KCNIP4: variants seen among roughly 807,000 people sequenced by gnomAD.
KCNIP4 encodes potassium voltage-gated channel interacting protein 4.
Under a neutral mutation model 34.0 loss-of-function variants are expected in KCNIP4, and 12 were observed. The observed-to-expected ratio is 0.35, with a 90% confidence interval of 0.23 to 0.57. The LOEUF (loss-of-function observed/expected upper bound fraction) is 0.57, where lower values mean the gene tolerates loss of function less well. Among genes scored for constraint, KCNIP4 ranks in the 20% least tolerant of loss-of-function variants. The pLI is 0.83. For synonymous variants in KCNIP4, 124 were observed against 102.2 expected (o/e 1.21, Z -1.29); for missense variants, 238 against 311.7 (o/e 0.76, Z 1.78).
At chr4:21,474,098 G>A (rs1026985470) in intron 1 of KCNIP4, among the ~76,000 whole-genome samples, 23 of 152,120 alleles carry the variant, frequency 1.5e-4, no homozygotes, top group African/African-American at 5.3e-4. Flanking sequence ...TGGAAAATTG[G>A]CATCTGTGTA....
intron 1 of KCNIP4, among the ~76,000 whole-genome samples, chr4:21,011,976 C>A (rs185076253): frequency 6.6e-6 from 1 of 152,288 alleles, no homozygotes; most frequent in East Asian, 1.9e-4. Context: ...CTGGTCTTAA[C>A]GTAGTTTCGA....
chr4:21,773,745 G>GTTTTGTTTTTTT (rs1718971393), intron 1 of KCNIP4, among the ~76,000 whole-genome samples: 4 of 115,414 alleles, frequency 3.5e-5, no homozygotes, highest in African/African-American at 2.2e-4. Context: ...TTTTTTTGTT[G>GTTTTGTTTTTTT]TTTTTTTTTT....
At chr4:21,038,373 T>C (rs954244845) in intron 1 of KCNIP4, among the ~76,000 whole-genome samples, 4 of 152,202 alleles carry the variant, frequency 2.6e-5, no homozygotes, top group African/African-American at 7.2e-5. Context: ...TTTATTATTA[T>C]TACCTTTGGT....
chr4:21,740,331 C>A lies in KCNIP4; in HGVS notation c.61+208240G>T, dbSNP rs542049694. 9.2e-5 allele frequency among the ~76,000 whole-genome samples: 14 copies of A among 152,076 alleles called. No homozygotes were observed. In the South Asian group the frequency reaches 2.9e-3, roughly 32 times the overall value. ...CCTGAAACTAAAGTATTTTCAAAGA[C>A]CTACCCTTTCTCCCTTCATTCATTC... On this transcript the variant is annotated intron_variant, in intron 1 of 8. Transcript: ENST00000382152.
intron 8 of KCNIP4, 120 bp from the exon 9 acceptor site, chr4:20,730,249 A>C: frequency 2.4e-6 from 3 of 1,264,266 alleles, no homozygotes; most frequent in Non-Finnish European, 3.2e-6. Flanking sequence ...CCAAAAGCTC[A>C]AATATTAAGT....
chr4:21,142,717 T>C (rs768569142), intron 1 of KCNIP4, among the ~76,000 whole-genome samples: 1 of 152,098 alleles, frequency 6.6e-6, no homozygotes, highest in Non-Finnish European at 1.5e-5. Context: ...CTGACGCAAA[T>C]TGGGTGTTGG....
chr4:20,770,231 A>T (rs994012171), intron 3 of KCNIP4, among the ~76,000 whole-genome samples: 5 of 152,124 alleles, frequency 3.3e-5, no homozygotes, highest in Non-Finnish European at 7.3e-5. Flanking sequence ...GGCACCTGCC[A>T]TAGTTTAATG....
intron 1 of KCNIP4, among the ~76,000 whole-genome samples, chr4:20,978,850 T>C (rs60184835): frequency 0.2 from 30,614 of 152,108 alleles, 3,505 homozygotes; most frequent in Middle Eastern, 0.35. Context: ...CTATCTTTAA[T>C]TGATCTCTAT....
chr4:21,641,253 A>C (rs1248677441), intron 1 of KCNIP4, among the ~76,000 whole-genome samples: 1 of 152,198 alleles, frequency 6.6e-6, no homozygotes, highest in East Asian at 1.9e-4. Flanking sequence ...TACAACCTGC[A>C]CCTATGGCCT....
At chr4:21,566,817 T>C (rs2109043210) in intron 1 of KCNIP4, among the ~76,000 whole-genome samples, 1 of 152,050 alleles carries the variant, frequency 6.6e-6, no homozygotes, top group East Asian at 1.9e-4. Flanking sequence ...GAACCAGACA[T>C]CAGTTGCTGG....
intron 1 of KCNIP4, among the ~76,000 whole-genome samples, chr4:20,949,947 A>G (rs1732601985): frequency 6.6e-6 from 1 of 151,124 alleles, no homozygotes; most frequent in African/African-American, 2.4e-5. Flanking sequence ...AGCATGGCAC[A>G]TGTATACATA....
intron 3 of KCNIP4, among the ~76,000 whole-genome samples, chr4:20,823,580 C>A (rs1717370872): frequency 6.6e-6 from 1 of 152,138 alleles, no homozygotes. Flanking sequence ...TGCTTTCTCT[C>A]TCTGCTCTTC....
At chr4:21,662,806 G>T in intron 1 of KCNIP4, among the ~76,000 whole-genome samples, 1 of 152,136 alleles carries the variant, frequency 6.6e-6, no homozygotes, top group Admixed American at 6.5e-5. Flanking sequence ...AGGAGAATTT[G>T]GAGAGATGTT....
At chr4:21,203,067 C>T (rs1474796069) in intron 1 of KCNIP4, among the ~76,000 whole-genome samples, 1 of 152,218 alleles carries the variant, frequency 6.6e-6, no homozygotes, top group African/African-American at 2.4e-5. Flanking sequence ...GAGCTGTAAC[C>T]GTGCACACTT....
At chr4:21,116,577 C>T (rs1430781636) in intron 1 of KCNIP4, among the ~76,000 whole-genome samples, 2 of 152,194 alleles carry the variant, frequency 1.3e-5, no homozygotes, top group Non-Finnish European at 2.9e-5. Flanking sequence ...GTTGTTCTCT[C>T]TATTGACCTG....
chr4:21,602,809 T>C (rs1743302580), intron 1 of KCNIP4, among the ~76,000 whole-genome samples: 1 of 152,146 alleles, frequency 6.6e-6, no homozygotes, highest in South Asian at 2.1e-4. Flanking sequence ...AATTCAAATA[T>C]AATGCTTAGT....
chr4:21,172,923 G>A (rs1754119762), intron 1 of KCNIP4, among the ~76,000 whole-genome samples: 1 of 152,174 alleles, frequency 6.6e-6, no homozygotes, highest in South Asian at 2.1e-4. Flanking sequence ...ATACTCAGAT[G>A]ATTCTTGGTC....
At chr4:20,860,234 G>T (rs1473477335) in intron 2 of KCNIP4, among the ~76,000 whole-genome samples, 1 of 151,934 alleles carries the variant, frequency 6.6e-6, no homozygotes, top group African/African-American at 2.4e-5. Flanking sequence ...CCGCCTCCCA[G>T]GTTAAAGCGA....
intron 1 of KCNIP4, among the ~76,000 whole-genome samples, chr4:21,531,229 G>A (rs1247701190): frequency 6.6e-6 from 1 of 152,024 alleles, no homozygotes; most frequent in Non-Finnish European, 1.5e-5. Context: ...TAGAATTAGA[G>A]GGGTGACAGA....
Sources: gnomAD v4.1 joint callset for allele counts (sites outside exome capture counted in the v4.1 genomes callset) on GRCh38, gnomAD v4.1.1 for gene constraint, MANE v1.5 for transcripts, NCBI Gene and HGNC (gene_info 2026-07-23, HGNC 2026-07-21) for gene names.